Variants in TNR observed in about 807,000 individuals in gnomAD.
TNR encodes tenascin-R.
TNR carries 45 observed loss-of-function variants against 150.4 expected under a neutral mutation model. The ratio of observed to expected loss-of-function variants is 0.30; its 90% CI spans 0.24 to 0.38. TNR has a LOEUF of 0.38. Ranked by LOEUF, TNR falls within the 10% of genes least tolerant of loss-of-function variation. The pLI is 1.00. For missense variants in TNR, 1,544 were observed against 1,759.1 expected, an observed-to-expected ratio of 0.88 and a Z score of 2.19; for synonymous variants, 687 against 678.4, an observed-to-expected ratio of 1.01 and a Z score of -0.20.
intron 1 of TNR, among the ~76,000 whole-genome samples, chr1:175,704,289 G>A (rs1393884624): frequency 6.6e-6 from 1 of 152,196 alleles, no homozygotes; most frequent in Non-Finnish European, 1.5e-5. Flanking sequence ...GTGACAAGAG[G>A]AAGACTTTAG....
chr1:175,542,180 A>C (rs1349415365), intron 1 of TNR, among the ~76,000 whole-genome samples: 2 of 152,216 alleles, frequency 1.3e-5, no homozygotes, highest in Admixed American at 6.5e-5. Flanking sequence ...GAGAAAGACC[A>C]AAAGAAATAA....
intron 20 of TNR, among the ~76,000 whole-genome samples, chr1:175,331,721 C>T (rs1649944142): frequency 6.6e-6 from 1 of 152,148 alleles, no homozygotes; most frequent in Non-Finnish European, 1.5e-5. Context: ...GAACTAGAGT[C>T]CCCTTGCTTT....
At chr1:175,343,393 C>T (rs1553205866) in intron 18 of TNR, among the ~76,000 whole-genome samples, 3 of 152,168 alleles carry the variant, frequency 2.0e-5, no homozygotes, top group South Asian at 2.1e-4. Context: ...CAAGTCTTGG[C>T]TCACAGGTCT....
Position 175,740,682 on chromosome 1 carries a change from A to G in TNR, c.-165+2544T>C, listed in dbSNP as rs562710828. On this transcript the variant is annotated intron_variant, in intron 1 of 22. Coordinates refer to ENST00000367674, the MANE Select transcript of TNR (RefSeq NM_003285.3). ...CCAGGAATGCTGCAGAAGTGGCATT[A>G]TATGTAAAGTGAGTTTGTATCCAGT... Among the ~76,000 whole-genome samples the G allele has an allele frequency of 2.6e-5, 4 of 152,234 alleles. No individual in the cohort carries two copies. The South Asian group carries it at 6.2e-4, about 24-fold the overall frequency.
chr1:175,584,271 T>C (rs142862980), intron 1 of TNR, among the ~76,000 whole-genome samples: 17 of 152,128 alleles, frequency 1.1e-4, no homozygotes, highest in African/African-American at 4.1e-4. Context: ...AGAGGGAAGA[T>C]GATTTGATGA....
At chr1:175,516,294 T>C (rs1454782964) in intron 2 of TNR, among the ~76,000 whole-genome samples, 1 of 152,190 alleles carries the variant, frequency 6.6e-6, no homozygotes, top group Non-Finnish European at 1.5e-5. Context: ...GGGGACTCAG[T>C]GAACCACCTT....
In TNR at chr1:175,535,034, G is replaced by A. The variant is rs190005745; in HGVS notation, c.-164-6665C>T. On this transcript the variant is annotated intron_variant, in intron 1 of 22. Coordinates refer to ENST00000367674, the MANE Select transcript of TNR (RefSeq NM_003285.3). ...TGTAAGTTTCCTGATCTGTGGAACT[G>A]TGAGTCAATTAAACCTCTTTCCTTT... Among the ~76,000 whole-genome samples, 5 of 152,314 alleles carry A rather than the reference G, an allele frequency of 3.3e-5. No homozygotes were observed. In the East Asian group the frequency reaches 9.6e-4, roughly 29 times the overall value.
rs1325228696 is a variant in TNR at position 175,315,559 on chromosome 1, A to G, written c.*7798T>C. The G allele has an allele frequency of 6.6e-6, 1 of 152,194 alleles. No individual in the cohort carries two copies. The highest frequency in any genetic ancestry group is 1.5e-5 in the Non-Finnish European group (1 of 68,040). 9.4% of individuals were successfully genotyped at this position (152,194 alleles called of 1,614,324 possible). On this transcript the variant is annotated 3_prime_UTR_variant, in exon 23 of 23. Coordinates refer to ENST00000367674, the MANE Select transcript of TNR (RefSeq NM_003285.3). ...TTACCTGAAAAGGCTGTTAAAGGTTAAAATGACAAACTCAAATTCAAAGGG... is the reference window on the plus strand; with the variant it reads ...TTACCTGAAAAGGCTGTTAAAGGTTGAAATGACAAACTCAAATTCAAAGGG...
Position 175,386,021 on chromosome 1 carries a change from C to A in TNR, c.1777+11G>T, listed in dbSNP as rs369617506. The A allele has an allele frequency of 2.6e-6, 4 of 1,555,876 alleles. No individual in the cohort carries two copies. The highest frequency in any genetic ancestry group is 3.5e-6 in the Non-Finnish European group (4 of 1,146,480). On this transcript the variant is annotated intron_variant, in intron 8 of 22. Coordinates refer to ENST00000367674, the MANE Select transcript of TNR (RefSeq NM_003285.3). ...CCCTCCTTGTGCGTCTCTCCCCCACCGCAGCCTTACCTGTTGTGAACTGAG... is the reference window on the plus strand; with the variant it reads ...CCCTCCTTGTGCGTCTCTCCCCCACAGCAGCCTTACCTGTTGTGAACTGAG...
chr1:175,650,937 ACCC>A (rs1664960996), intron 1 of TNR, among the ~76,000 whole-genome samples: 2 of 11,266 alleles, frequency 1.8e-4, no homozygotes, highest in Non-Finnish European at 3.2e-4. Context: ...CCTCATTACT[ACCC>A]CTCCCCATCT....
chr1:175,526,782 A>G (rs1659863427), intron 2 of TNR, among the ~76,000 whole-genome samples: 1 of 152,244 alleles, frequency 6.6e-6, no homozygotes, highest in Non-Finnish European at 1.5e-5. Context: ...TTGAATTGCC[A>G]AGGAGCCATG....
chr1:175,708,018 TTGTGTGTGTGTGTG>T (rs10676470), intron 1 of TNR, among the ~76,000 whole-genome samples: 23 of 144,754 alleles, frequency 1.6e-4, no homozygotes, highest in Non-Finnish European at 2.3e-4. Context: ...ATGTGTGTGT[TTGTGTGTGTGTGTG>T]TGTGTGTGTG....
At chr1:175,365,309 A>C in intron 11 of TNR, 30 bp from the exon 12 acceptor site, 1 of 1,568,816 alleles carries the variant, frequency 6.4e-7, no homozygotes, top group Non-Finnish European at 8.7e-7. Context: ...GATGGTCCTG[A>C]AACACGTGAG....
chr1:175,500,089 C>T (rs1406560897), intron 2 of TNR, among the ~76,000 whole-genome samples: 1 of 152,126 alleles, frequency 6.6e-6, no homozygotes, highest in Non-Finnish European at 1.5e-5. Context: ...AGACTTGAAC[C>T]AAATGGGAAC....
At chr1:175,586,086 T>A (rs1662551944) in intron 1 of TNR, among the ~76,000 whole-genome samples, 1 of 152,090 alleles carries the variant, frequency 6.6e-6, no homozygotes, top group South Asian at 2.1e-4. Flanking sequence ...ATGAGATGAG[T>A]ACGGGACTGG....
At chr1:175,393,926 ATG>A in intron 5 of TNR, 31 bp from the exon 6 acceptor site, 1 of 1,536,396 alleles carries the variant, frequency 6.5e-7, no homozygotes. Context: ...TGACAATGTC[ATG>A]GCTAACCCTT....
intron 1 of TNR, among the ~76,000 whole-genome samples, chr1:175,628,445 C>T (rs2101871050): frequency 6.6e-6 from 1 of 151,988 alleles, no homozygotes; most frequent in South Asian, 2.1e-4. Context: ...AGCACACCAG[C>T]ATGGCACATG....
intron 2 of TNR, among the ~76,000 whole-genome samples, chr1:175,433,764 C>T (rs1180075242): frequency 1.3e-5 from 2 of 152,196 alleles, no homozygotes; most frequent in Admixed American, 6.5e-5. Context: ...AGAGTGTTCA[C>T]TCTGAGCTGA....
At chr1:175,564,431 G>C (rs546398310) in intron 1 of TNR, among the ~76,000 whole-genome samples, 2 of 152,222 alleles carry the variant, frequency 1.3e-5, no homozygotes, top group Non-Finnish European at 2.9e-5. Context: ...AGAAAATCTC[G>C]TGAGTGGTGG....
Sources: allele counts gnomAD v4.1 joint callset (sites outside exome capture counted in the v4.1 genomes callset), GRCh38; gene constraint gnomAD v4.1.1; transcripts MANE v1.5; gene names NCBI Gene and HGNC (gene_info 2026-07-23, HGNC 2026-07-21).